Variants in EVC2 observed in about 807,000 individuals in gnomAD.
EVC2 encodes EvC ciliary complex subunit 2, also known as limbin.
In EVC2, 148 loss-of-function variants were observed where a neutral mutation model predicts 149.3. The observed-to-expected ratio is 0.99, with a 90% confidence interval of 0.87 to 1.14. The LOEUF (loss-of-function observed/expected upper bound fraction) is 1.14, where lower values mean the gene tolerates loss of function less well. EVC2 is among the 50% of genes most tolerant of loss of function. The pLI is 0.00. For missense variants in EVC2, 1,854 were observed against 1,627.3 expected (o/e 1.14, Z -2.40); for synonymous variants, 776 against 649.9 (o/e 1.19, Z -2.95).
At chr4:5,620,315 G>A (rs13131951) in intron 14 of EVC2, among the ~76,000 whole-genome samples, 82,920 of 151,994 alleles carry the variant, frequency 0.55, 26,365 homozygotes, top group Non-Finnish European at 0.72. Flanking sequence ...AAACCACATC[G>A]GCCCTGAGCA....
At chr4:5,650,414 G>C (rs1217845675) in intron 9 of EVC2, among the ~76,000 whole-genome samples, 2 of 151,758 alleles carry the variant, frequency 1.3e-5, no homozygotes, top group Non-Finnish European at 2.9e-5. Context: ...CATGGGCTTG[G>C]AAGTCACATT....
At chr4:5,629,295 T>C (rs1716357412) in intron 11 of EVC2, among the ~76,000 whole-genome samples, 1 of 152,226 alleles carries the variant, frequency 6.6e-6, no homozygotes, top group Non-Finnish European at 1.5e-5. Context: ...GCCAAGAGTG[T>C]TTCATGTCTC....
chr4:5,552,896 T>G (rs763821865), intron 21 of EVC2, among the ~76,000 whole-genome samples: 1 of 152,176 alleles, frequency 6.6e-6, no homozygotes, highest in Non-Finnish European at 1.5e-5. Context: ...GAGAGGAAAC[T>G]ATCAGAGCAG....
intron 9 of EVC2, among the ~76,000 whole-genome samples, chr4:5,651,566 C>G (rs953680564): frequency 6.6e-6 from 1 of 152,098 alleles, no homozygotes; most frequent in Non-Finnish European, 1.5e-5. Flanking sequence ...ATTTGAAACT[C>G]TTATTTGGAA....
Position 5,621,357 on chromosome 4 carries a change from T to C in EVC2, c.2501+1180A>G, listed in dbSNP as rs903621262. On this transcript the variant is annotated intron_variant, in intron 14 of 21. Coordinates refer to ENST00000344408, the MANE Select transcript of EVC2 (RefSeq NM_147127.5). ...TAAACTACTTGATAGTGCCATGTAC[T>C]GCCAAAATCACCTAAATGATTTGAT... Among the ~76,000 whole-genome samples, 5 of 152,252 alleles carry C rather than the reference T, an allele frequency of 3.3e-5. 1 individual carries two copies. In the East Asian group the frequency reaches 7.7e-4, roughly 23 times the overall value.
At chr4:5,553,787 G>T (rs186178948) in intron 21 of EVC2, among the ~76,000 whole-genome samples, 1 of 152,092 alleles carries the variant, frequency 6.6e-6, no homozygotes, top group East Asian at 1.9e-4. Flanking sequence ...ACCTCACAGC[G>T]TGCCAGAACA....
chr4:5,673,926 G>T (rs1719829776), intron 7 of EVC2, among the ~76,000 whole-genome samples: 1 of 152,182 alleles, frequency 6.6e-6, no homozygotes, highest in Admixed American at 6.5e-5. Context: ...CGTGGAGGGT[G>T]GTGGTAAGAA....
chr4:5,587,350 G>C (rs1712377416), intron 16 of EVC2, among the ~76,000 whole-genome samples: 2 of 152,114 alleles, frequency 1.3e-5, no homozygotes, highest in African/African-American at 2.4e-5. Flanking sequence ...TCATACAAAT[G>C]GAACTACAGA....
rs1720956788 is a variant in EVC2 at position 5,689,444 on chromosome 4, AAGG to A, written c.520-104_520-102del. 3 of 1,184,728 alleles carry A rather than the reference AAGG, an allele frequency of 2.5e-6. No individual in the cohort carries two copies. The East Asian group carries it at 7.2e-5, about 28-fold the overall frequency. 73.4% of individuals were successfully genotyped at this position (1,184,728 alleles called of 1,614,324 possible). On this transcript the variant is annotated intron_variant, in intron 4 of 21. Coordinates refer to ENST00000344408, the MANE Select transcript of EVC2 (RefSeq NM_147127.5). ...CTGTGCACATTAGGCATCCAGGAAG[AAGG>A]AGGGTAGCACGGTCTCGCAGAGGGC...
intron 1 of EVC2, among the ~76,000 whole-genome samples, chr4:5,704,454 A>T (rs1177656102): frequency 6.6e-6 from 1 of 152,062 alleles, no homozygotes; most frequent in African/African-American, 2.4e-5. Flanking sequence ...TGAGTTGTGG[A>T]GTGCCTGTGA....
At chr4:5,669,436 C>T (rs143240239) in intron 7 of EVC2, among the ~76,000 whole-genome samples, 4 of 152,338 alleles carry the variant, frequency 2.6e-5, no homozygotes, top group East Asian at 3.9e-4. Context: ...CCAATGTCTA[C>T]GTTTGTCCCA....
At chr4:5,566,430 C>T (rs1005394084) in intron 20 of EVC2, among the ~76,000 whole-genome samples, 20 of 152,192 alleles carry the variant, frequency 1.3e-4, no homozygotes, top group African/African-American at 4.8e-4. Context: ...GAGTGCTTCC[C>T]TGGCCCTGCC....
rs377665044 is a variant in EVC2, at chr4:5,565,970, T to C, written c.3558-611A>G. Among the ~76,000 whole-genome samples the C allele has an allele frequency of 3.9e-5, 6 of 152,184 alleles. No homozygotes were observed. The East Asian group carries it at 1.2e-3, about 29-fold the overall frequency. ...GAAGGAATGGGATCTGTGCACTGACTTATATACTGGCTGCCTCCCCCACTG... is the reference window on the plus strand; with the variant it reads ...GAAGGAATGGGATCTGTGCACTGACCTATATACTGGCTGCCTCCCCCACTG... On this transcript the variant is annotated intron_variant, in intron 20 of 21. Transcript: ENST00000344408.
At chr4:5,595,016 GA>G (rs1357284696) in intron 16 of EVC2, among the ~76,000 whole-genome samples, 2 of 152,122 alleles carry the variant, frequency 1.3e-5, no homozygotes, top group Non-Finnish European at 2.9e-5. Flanking sequence ...GAAGTTTAGA[GA>G]AAAAAGAATA....
At chr4:5,674,585 C>T (rs1166960006) in intron 7 of EVC2, among the ~76,000 whole-genome samples, 1 of 152,132 alleles carries the variant, frequency 6.6e-6, no homozygotes. Context: ...GGGGAGGGCT[C>T]GGGCATCACA....
rs143986856 is a variant in EVC2 at position 5,600,469 on chromosome 4, G to T, written c.2829+14953C>A. On this transcript the variant is annotated intron_variant, in intron 16 of 21. Transcript: ENST00000344408. ...GCACAATATAAAAAAAATCTTTACA[G>T]TGGAGATGCCTAGTGAAGAATAGTG... Among the ~76,000 whole-genome samples the T allele has an allele frequency of 5.4e-3, 822 of 152,262 alleles. 9 individuals carry two copies. Among genetic ancestry groups the T allele is most frequent in the African/African-American group, 0.019 (777 of 41,540 alleles).
the EVC2 span, among the ~76,000 whole-genome samples, chr4:5,535,633 G>GAGAGAGAGAGAGAT: frequency 2.0e-5 from 3 of 151,208 alleles, no homozygotes; most frequent in Non-Finnish European, 4.4e-5. This position sits in a 1 kb window ranked among gnomAD's most constrained non-coding sequence, Gnocchi z 4.7. Context: ...GAGAGAGAGA[G>GAGAGAGAGAGAGAT]AAAGAGATAA....
rs201960121 is a variant in EVC2, at chr4:5,689,279, G to A, written c.584C>T (p.Thr195Ile). ...CAGCTCCGAGAGGTTGGCTGACGAG[G>A]TTGTCTTGGTGTTGTTAACAAGCAG... is the stretch of plus-strand genomic sequence containing the variant. ...IWLLVNNTKTTSSANLSELLL... is the reference protein window; with the variant it reads ...IWLLVNNTKTISSANLSELLL... The change falls in exon 5 of 22, where the codon ACC (threonine) becomes ATC (isoleucine). Residue 195 changes from threonine to isoleucine, a missense_variant. Transcript: ENST00000344408. The A allele has an allele frequency of 4.4e-5, 71 of 1,614,206 alleles. No individual in the cohort carries two copies. Among genetic ancestry groups the A allele is most frequent in the Non-Finnish European group, 5.8e-5 (69 of 1,180,048 alleles).
rs2108788479 is a variant in EVC2, at chr4:5,584,700, A to G, written c.2980T>C (p.Leu994=). 6.2e-7 allele frequency: 1 copy of G among 1,614,092 alleles called. No individual in the cohort carries two copies. The highest frequency in any genetic ancestry group is 1.7e-5 in the Admixed American group (1 of 60,016). ...GATGCACTCAGCTCTTCCAGGAGCA[A>G]GTCCTGGATGCTGAGGAGGGCGGTG... ...AYTALLSIQD[L]LLEELSASEM... The change falls in exon 17 of 22, where the codon TTG becomes CTG. Residue 994 remains leucine, a synonymous_variant. Transcript: ENST00000344408.
Sources: gnomAD v4.1 joint callset for allele counts (sites outside exome capture counted in the v4.1 genomes callset) on GRCh38, gnomAD v4.1.1 for gene constraint, Gnocchi (gnomAD v3.1) non-coding constraint, MANE v1.5 for transcripts, NCBI Gene and HGNC (gene_info 2026-07-23, HGNC 2026-07-21) for gene names.